The following DNAI4 variants were observed in gnomAD, a reference collection of about 807,000 sequenced individuals.
The protein encoded by DNAI4 is WD repeat domain 78.
Under a neutral mutation model 105.8 loss-of-function variants are expected in DNAI4, and 85 were observed. That is an observed-to-expected ratio of 0.80 (90% CI 0.67 to 0.96). DNAI4 has a LOEUF of 0.96. Among genes scored for constraint, DNAI4 ranks in the 40% least tolerant of loss-of-function variants. The probability of loss-of-function intolerance (pLI) is 0.00; values close to 1 mark genes in which losing one functional copy is unlikely to be tolerated. For missense variants in DNAI4, 1,014 were observed against 1,005.6 expected, an observed-to-expected ratio of 1.01 and a Z score of -0.11; for synonymous variants, 352 against 331.5, an observed-to-expected ratio of 1.06 and a Z score of -0.67.
chr1:66,837,937 A>T, intron 9 of DNAI4, 141 bp from the exon 10 acceptor site: 1 of 794,840 alleles, frequency 1.3e-6, no homozygotes, highest in South Asian at 2.0e-5. Flanking sequence ...CCAGTACACC[A>T]TCTGTTTTTA....
At chr1:66,814,529 C>T (rs1187978400) in intron 16 of DNAI4, among the ~76,000 whole-genome samples, 2 of 152,070 alleles carry the variant, frequency 1.3e-5, no homozygotes, top group Non-Finnish European at 2.9e-5. Context: ...CCACCACGCC[C>T]AGCTAATTTT....
intron 7 of DNAI4, among the ~76,000 whole-genome samples, chr1:66,856,866 CATA>C (rs1351755129): frequency 6.6e-6 from 1 of 151,692 alleles, no homozygotes; most frequent in African/African-American, 2.4e-5. Context: ...ACATTGAACA[CATA>C]TATTGGAAAA....
chr1:66,858,158 T>G (rs1324115650), intron 7 of DNAI4, among the ~76,000 whole-genome samples: 1 of 152,090 alleles, frequency 6.6e-6, no homozygotes, highest in East Asian at 1.9e-4. Flanking sequence ...TTTATTAGGC[T>G]AGCATTACCC....
intron 1 of DNAI4, chr1:66,919,191 C>T (rs1434505917): frequency 3.1e-5 from 12 of 392,834 alleles, no homozygotes; most frequent in East Asian, 2.4e-4. Flanking sequence ...GGCTGTATCA[C>T]GGGTACACAT....
intron 7 of DNAI4, among the ~76,000 whole-genome samples, chr1:66,853,781 A>G (rs1348962109): frequency 6.6e-6 from 1 of 152,230 alleles, no homozygotes; most frequent in African/African-American, 2.4e-5. Flanking sequence ...ATGCAGAAAG[A>G]CTGAATTGTT....
At chr1:66,908,883 G>A (rs1204253159) in intron 1 of DNAI4, among the ~76,000 whole-genome samples, 1 of 152,108 alleles carries the variant, frequency 6.6e-6, no homozygotes, top group Non-Finnish European at 1.5e-5. Context: ...TCAGCCATCT[G>A]AATGAGAAAA....
chr1:66,867,575 G>T (rs1406928320), intron 6 of DNAI4, among the ~76,000 whole-genome samples: 3 of 151,144 alleles, frequency 2.0e-5, no homozygotes, highest in African/African-American at 7.3e-5. Flanking sequence ...AGAACATTCT[G>T]TTCTTGTTCC....
intron 15 of DNAI4, among the ~76,000 whole-genome samples, chr1:66,826,544 C>T (rs1328519833): frequency 2.6e-5 from 4 of 152,104 alleles, no homozygotes; most frequent in Non-Finnish European, 4.4e-5. Flanking sequence ...GTGATCCTCC[C>T]GCCTCAGCCT....
chr1:66,919,882 A>T (rs1284615572), intron 1 of DNAI4, among the ~76,000 whole-genome samples: 8 of 152,190 alleles, frequency 5.3e-5, no homozygotes, highest in African/African-American at 1.9e-4. Flanking sequence ...AGGGCCCATT[A>T]AAACACTAAG....
At chr1:66,823,243 AT>A (rs1228020835) in intron 15 of DNAI4, among the ~76,000 whole-genome samples, 3 of 148,194 alleles carry the variant, frequency 2.0e-5, no homozygotes, top group African/African-American at 7.4e-5. Context: ...TGAACTCATC[AT>A]TTTTTATGGC....
intron 6 of DNAI4, among the ~76,000 whole-genome samples, chr1:66,867,262 C>G (rs1203738395): frequency 6.6e-6 from 1 of 152,238 alleles, no homozygotes; most frequent in East Asian, 1.9e-4. Flanking sequence ...CATTTTCTGT[C>G]CCCCACATTT....
At position 66,890,904 on chromosome 1, in the gene DNAI4, CAGCAGCAGCAGA is replaced by C. The variant is rs1647576801; in HGVS notation, c.643+238_643+249del. ...GAAGAAGCAGAAGCAGCAGCAGCAA[CAGCAGCAGCAGA>C]AGCAGCAGCTGAGCTCTAACACAAA... On this transcript the variant is annotated intron_variant, in intron 4 of 16. Coordinates refer to ENST00000371026, the MANE Select transcript of DNAI4 (RefSeq NM_024763.5). The surrounding 1 kb of genome is among the most constrained non-coding windows in gnomAD (Gnocchi z 4.1). 2.0e-6 allele frequency: 1 copy of C among 507,650 alleles called. No homozygotes were observed. Among genetic ancestry groups the C allele is most frequent in the Non-Finnish European group, 3.5e-6 (1 of 285,562 alleles). 31.4% of individuals were successfully genotyped at this position (507,650 alleles called of 1,614,324 possible). A position where few individuals can be genotyped will look rare whatever the true frequency, so the allele number is the denominator to read the frequency against.
At chr1:66,889,431 T>C (rs943588162) in intron 4 of DNAI4, among the ~76,000 whole-genome samples, 5 of 152,164 alleles carry the variant, frequency 3.3e-5, no homozygotes, top group African/African-American at 4.8e-5. Context: ...GGAAAGAGAA[T>C]AGCAGAACGG....
At position 66,882,873 on chromosome 1, in the gene DNAI4, G is replaced by A. The variant is rs1285528723; in HGVS notation, c.644-7936C>T. Among the ~76,000 whole-genome samples the A allele has an allele frequency of 3.3e-5, 5 of 151,798 alleles. No homozygotes were observed. In the South Asian group the frequency reaches 6.2e-4, roughly 19 times the overall value. ...TAAGATTGGATTGAATCTATACATC[G>A]AATTACAAATAACTGATATCTTTAC... On this transcript the variant is annotated intron_variant, in intron 4 of 16. Coordinates refer to ENST00000371026, the MANE Select transcript of DNAI4 (RefSeq NM_024763.5).
intron 10 of DNAI4, chr1:66,837,471 C>A: frequency 2.7e-6 from 1 of 372,162 alleles, no homozygotes; most frequent in Admixed American, 4.7e-5. Context: ...TCTTCATCAT[C>A]ATATATAACA....
intron 13 of DNAI4, among the ~76,000 whole-genome samples, chr1:66,829,888 G>A (rs1225741748): frequency 6.6e-6 from 1 of 152,154 alleles, no homozygotes; most frequent in Non-Finnish European, 1.5e-5. Context: ...TGGTGGGATT[G>A]AATTAGAAAT....
intron 12 of DNAI4, 109 bp from the exon 13 acceptor site, chr1:66,833,815 T>G: frequency 6.9e-7 from 1 of 1,440,326 alleles, no homozygotes; most frequent in Non-Finnish European, 9.3e-7. Flanking sequence ...TGCCAACTTT[T>G]GCATGTAATT....
intron 15 of DNAI4, among the ~76,000 whole-genome samples, 175 bp from the exon 16 acceptor site, chr1:66,822,692 T>C (rs1329042760): frequency 6.6e-6 from 1 of 152,150 alleles, no homozygotes; most frequent in Non-Finnish European, 1.5e-5. Flanking sequence ...AAAACCTTCA[T>C]TTCTTCAATG....
At chr1:66,909,661 G>A (rs1364686687) in intron 1 of DNAI4, among the ~76,000 whole-genome samples, 1 of 151,734 alleles carries the variant, frequency 6.6e-6, no homozygotes, top group African/African-American at 2.4e-5. Flanking sequence ...CCAAATATAT[G>A]TATATCTCTA....
Sources: gnomAD v4.1 joint callset for allele counts (sites outside exome capture counted in the v4.1 genomes callset) on GRCh38, gnomAD v4.1.1 for gene constraint, Gnocchi (gnomAD v3.1) non-coding constraint, MANE v1.5 for transcripts, NCBI Gene and HGNC (gene_info 2026-07-23, HGNC 2026-07-21) for gene names.